The following CSMD1 variants were observed in gnomAD, a reference collection of about 807,000 sequenced individuals.
CSMD1 encodes CUB and Sushi multiple domains 1, also known as CUB and sushi domain-containing protein 1.
Under a neutral mutation model 417.5 loss-of-function variants are expected in CSMD1, and 213 were observed. That is an observed-to-expected ratio of 0.51 (90% CI 0.46 to 0.57). CSMD1 has a LOEUF of 0.57. Among genes scored for constraint, CSMD1 ranks in the 20% least tolerant of loss-of-function variants. The pLI, the probability that CSMD1 is intolerant of heterozygous loss-of-function variation, is 0.00. For missense variants in CSMD1, 6,923 were observed against 4,529.7 expected, an observed-to-expected ratio of 1.53 and a Z score of -15.17; for synonymous variants, 2,862 against 1,736.8, an observed-to-expected ratio of 1.65 and a Z score of -16.11.
chr8:2,973,408 G>A (rs983651776), intron 56 of CSMD1, 109 bp from the exon 57 acceptor site: 1 of 1,079,682 alleles, frequency 9.3e-7, no homozygotes, highest in African/African-American at 1.6e-5. Flanking sequence ...TGTTTCACAT[G>A]AGTTATGGTT....
intron 18 of CSMD1, among the ~76,000 whole-genome samples, chr8:3,384,665 G>T: frequency 7.8e-6 from 1 of 128,408 alleles, no homozygotes. Context: ...AATTAATATA[G>T]ATGCTATTTA....
intron 3 of CSMD1, among the ~76,000 whole-genome samples, chr8:4,275,680 A>C (rs1796445248): frequency 1.3e-5 from 2 of 152,210 alleles, no homozygotes; most frequent in Admixed American, 6.5e-5. Context: ...TACGTTTTGC[A>C]AAGCTTGTTT....
chr8:4,092,601 C>T (rs147900756), intron 3 of CSMD1, among the ~76,000 whole-genome samples: 1 of 152,156 alleles, frequency 6.6e-6, no homozygotes, highest in Non-Finnish European at 1.5e-5. Context: ...AGCATATCAT[C>T]TTAAGCAATT....
intron 1 of CSMD1, among the ~76,000 whole-genome samples, chr8:4,960,547 T>C (rs1457728706): frequency 6.6e-6 from 1 of 152,210 alleles, no homozygotes; most frequent in Non-Finnish European, 1.5e-5. Context: ...GTACATCTTA[T>C]GTTAAAAAGT....
intron 3 of CSMD1, among the ~76,000 whole-genome samples, chr8:4,152,055 T>C (rs1439395629): frequency 6.6e-6 from 1 of 152,002 alleles, no homozygotes; most frequent in Admixed American, 6.5e-5. Flanking sequence ...TATGCTTTAA[T>C]TTTTTTCCCT....
rs538149677 is a variant in CSMD1, at chr8:4,741,414, A to T, written c.86-103856T>A. ...TTGCCACAAGATTAAATACTAAATG[A>T]CCAGGAAATAACTGTTTTTATTTTT... On this transcript the variant is annotated intron_variant, in intron 1 of 69. Transcript: ENST00000635120. Among the ~76,000 whole-genome samples, 45 of 152,346 alleles carry T rather than the reference A, an allele frequency of 3.0e-4. No homozygotes were observed. In the South Asian group the frequency reaches 9.3e-3, roughly 32 times the overall value.
intron 44 of CSMD1, among the ~76,000 whole-genome samples, chr8:3,108,312 G>T (rs1409784280): frequency 1.3e-5 from 2 of 152,134 alleles, no homozygotes; most frequent in African/African-American, 4.8e-5. Context: ...TTGAGACAGG[G>T]ATGAGTAAAT....
At position 3,593,547 on chromosome 8, in the gene CSMD1, G is replaced by A. The variant is rs138398384; in HGVS notation, c.1098-7287C>T. Among the ~76,000 whole-genome samples, 470 of 152,306 alleles carry A rather than the reference G, an allele frequency of 3.1e-3. 4 individuals are homozygous for A. The highest frequency in any genetic ancestry group is 0.011 in the African/African-American group (454 of 41,568). On this transcript the variant is annotated intron_variant, in intron 8 of 69. Coordinates refer to ENST00000635120, the MANE Select transcript of CSMD1 (RefSeq NM_033225.6). ...CCGGGCCCTTAACGTCCTTGAGAGA[G>A]AGTGAAGGGATGTCCAGATCTGACT...
chr8:4,005,298 T>TA (rs1378537914), intron 4 of CSMD1, among the ~76,000 whole-genome samples: 1 of 151,860 alleles, frequency 6.6e-6, no homozygotes, highest in Non-Finnish European at 1.5e-5. Context: ...TAAAATAAAA[T>TA]AATAAAAAAA....
rs1205643861 is a variant in CSMD1, at chr8:3,438,643, C to A, written c.1562-29038G>T. 2.0e-5 allele frequency among the ~76,000 whole-genome samples: 3 copies of A among 152,120 alleles called. No homozygotes were observed. In the South Asian group the frequency reaches 6.2e-4, roughly 31 times the overall value. ...ATGAATTAATTTGTTTAACTGTTTGCATCTTCAATGACATTTGGGTGATTT... is the reference window on the plus strand; with the variant it reads ...ATGAATTAATTTGTTTAACTGTTTGAATCTTCAATGACATTTGGGTGATTT... On this transcript the variant is annotated intron_variant, in intron 12 of 69. Transcript: ENST00000635120.
chr8:3,906,969 A>G (rs1261788386), intron 5 of CSMD1, among the ~76,000 whole-genome samples: 1 of 152,232 alleles, frequency 6.6e-6, no homozygotes, highest in African/African-American at 2.4e-5. Context: ...TTATCAGACA[A>G]CTGAAACGCT....
chr8:3,994,919 T>A (rs1026436049), intron 5 of CSMD1, among the ~76,000 whole-genome samples: 9 of 152,156 alleles, frequency 5.9e-5, no homozygotes, highest in Non-Finnish European at 1.2e-4. Context: ...TATTGGAAGA[T>A]CATATGTGTA....
At chr8:3,220,763 G>A (rs1394418326) in intron 28 of CSMD1, among the ~76,000 whole-genome samples, 11 of 152,110 alleles carry the variant, frequency 7.2e-5, no homozygotes, top group African/African-American at 2.7e-4. Flanking sequence ...CCCGGGAAGC[G>A]GAGGTTGCAG....
At chr8:4,402,837 T>TC (rs1329184538) in intron 3 of CSMD1, among the ~76,000 whole-genome samples, 4 of 128,238 alleles carry the variant, frequency 3.1e-5, no homozygotes, top group African/African-American at 6.1e-5. Context: ...TTTTTTTTTT[T>TC]GGAGACAGAG....
chr8:4,154,103 T>G (rs893172307), intron 3 of CSMD1, among the ~76,000 whole-genome samples: 4 of 151,960 alleles, frequency 2.6e-5, no homozygotes, highest in Non-Finnish European at 5.9e-5. Flanking sequence ...CAGCAAAGAG[T>G]CAGGAGTCTG....
At chr8:3,920,137 G>A (rs1415798170) in intron 5 of CSMD1, among the ~76,000 whole-genome samples, 1 of 152,076 alleles carries the variant, frequency 6.6e-6, no homozygotes, top group African/African-American at 2.4e-5. Context: ...ACACTCAGGT[G>A]ATCTTCCTGC....
chr8:2,997,571 T>A (rs1807020180), intron 54 of CSMD1, among the ~76,000 whole-genome samples: 1 of 152,196 alleles, frequency 6.6e-6, no homozygotes, highest in Admixed American at 6.5e-5. Flanking sequence ...GAACACAATT[T>A]TCTTGGAAAC....
At chr8:4,191,524 A>G (rs1799031859) in intron 3 of CSMD1, among the ~76,000 whole-genome samples, 1 of 152,198 alleles carries the variant, frequency 6.6e-6, no homozygotes, top group South Asian at 2.1e-4. Context: ...GGAGGTCACT[A>G]AAACATGTGT....
At chr8:4,061,471 A>T (rs1798969981) in intron 3 of CSMD1, among the ~76,000 whole-genome samples, 1 of 152,212 alleles carries the variant, frequency 6.6e-6, no homozygotes, top group South Asian at 2.1e-4. Context: ...GAAACCAAAG[A>T]GGTGGCAAAA....
Sources: allele counts gnomAD v4.1 joint callset (sites outside exome capture counted in the v4.1 genomes callset), GRCh38; gene constraint gnomAD v4.1.1; transcripts MANE v1.5; gene names NCBI Gene and HGNC (gene_info 2026-07-23, HGNC 2026-07-21).